PIGF: variants seen among roughly 807,000 people sequenced by gnomAD.
PIGF encodes phosphatidylinositol glycan anchor biosynthesis class F.
Under a neutral mutation model 26.0 loss-of-function variants are expected in PIGF, and 23 were observed. That is an observed-to-expected ratio of 0.88 (90% CI 0.64 to 1.25). PIGF has a LOEUF of 1.25. Among genes scored for constraint, PIGF ranks in the 50% most tolerant of loss-of-function variants. PIGF has a pLI of 0.00. For missense variants in PIGF, 278 were observed against 249.9 expected, an observed-to-expected ratio of 1.11 and a Z score of -0.76; for synonymous variants, 93 against 92.6, an observed-to-expected ratio of 1.00 and a Z score of -0.03.
rs1328511050 is a variant in PIGF at position 46,589,882 on chromosome 2, AAAC to A, written c.546+2590_546+2592del. On this transcript the variant is annotated intron_variant, in intron 5 of 5. Coordinates refer to ENST00000281382, the MANE Select transcript of PIGF (RefSeq NM_002643.4). The surrounding 1 kb of genome is among the most constrained non-coding windows in gnomAD (Gnocchi z 4.7). Reference sequence around the variant, plus strand: ...TTGCTGGAAATAAAAAGTGAAAAAAAAACCTCATTTCTTTAGTTTATTAGTAAA... The same window carrying A: ...TTGCTGGAAATAAAAAGTGAAAAAAACTCATTTCTTTAGTTTATTAGTAAA... Among the ~76,000 whole-genome samples, 1 of 152,092 alleles carries A rather than the reference AAAC, an allele frequency of 6.6e-6. No individual in the cohort carries two copies. The highest frequency in any genetic ancestry group is 2.4e-5 in the African/African-American group (1 of 41,446).
chr2:46,611,771 C>T (rs1670427524), intron 4 of PIGF, among the ~76,000 whole-genome samples: 1 of 151,908 alleles, frequency 6.6e-6, no homozygotes, highest in Non-Finnish European at 1.5e-5. Context: ...TATCTTATCA[C>T]AAAAAAGGCT....
At position 46,581,420 on chromosome 2, in the gene PIGF, C is replaced by A; in HGVS notation, c.*58G>T. 1 of 1,576,498 alleles carries A rather than the reference C, an allele frequency of 6.3e-7. No homozygotes were observed. Among genetic ancestry groups the A allele is most frequent in the Non-Finnish European group, 8.6e-7 (1 of 1,160,730 alleles). On this transcript the variant is annotated 3_prime_UTR_variant, in exon 6 of 6. Transcript: ENST00000281382. Reference sequence around the variant, plus strand: ...ATGGAACTGCTTGGCTTTGACCATACACATTTCTGCCCAGCCCTTACAGAA... The same window carrying A: ...ATGGAACTGCTTGGCTTTGACCATAAACATTTCTGCCCAGCCCTTACAGAA...
Position 46,617,019 on chromosome 2 carries a change from A to T in PIGF, c.-71T>A. On this transcript the variant is annotated 5_prime_UTR_variant, in exon 1 of 6. The change abolishes an upstream ATG in the 5' untranslated region. Coordinates refer to ENST00000281382, the MANE Select transcript of PIGF (RefSeq NM_002643.4). ...AAGCGGGGAACTACTGCCTCCTACC[A>T]TCAGGTACGACGGGCGGCCCAGGCC... 2 of 582,006 alleles carry T rather than the reference A, an allele frequency of 3.4e-6. No individual in the cohort carries two copies. Among genetic ancestry groups the T allele is most frequent in the South Asian group, 2.0e-5 (1 of 50,166 alleles). 36.1% of individuals were successfully genotyped at this position (582,006 alleles called of 1,614,324 possible).
intron 4 of PIGF, among the ~76,000 whole-genome samples, chr2:46,607,509 C>T (rs1670261932): frequency 6.6e-6 from 1 of 152,114 alleles, no homozygotes; most frequent in Admixed American, 6.5e-5. Flanking sequence ...GTATCATAGT[C>T]TATTAAGTGG....
At chr2:46,611,526 C>T (rs1558711284) in intron 4 of PIGF, among the ~76,000 whole-genome samples, 3 of 151,362 alleles carry the variant, frequency 2.0e-5, no homozygotes, top group Non-Finnish European at 2.9e-5. Flanking sequence ...AGAAACCACA[C>T]ACAGCTTAGC....
At chr2:46,597,663 C>T (rs1017167352) in intron 4 of PIGF, among the ~76,000 whole-genome samples, 23 of 152,204 alleles carry the variant, frequency 1.5e-4, no homozygotes, top group African/African-American at 4.1e-4. Flanking sequence ...CTGCCCACCT[C>T]GGCCTCCCAA....
At chr2:46,587,368 T>C (rs1456367767) in intron 5 of PIGF, among the ~76,000 whole-genome samples, 6 of 152,064 alleles carry the variant, frequency 3.9e-5, no homozygotes, top group Non-Finnish European at 7.4e-5. Flanking sequence ...AAGAATTATC[T>C]GTGGCATCTG....
intron 4 of PIGF, among the ~76,000 whole-genome samples, chr2:46,604,443 T>C (rs1460548146): frequency 6.6e-6 from 1 of 151,926 alleles, no homozygotes; most frequent in Non-Finnish European, 1.5e-5. Flanking sequence ...AGCCAAGATT[T>C]GGAAGCAACC....
intron 4 of PIGF, among the ~76,000 whole-genome samples, chr2:46,596,973 T>C (rs955446559): frequency 1.3e-5 from 2 of 152,226 alleles, no homozygotes; most frequent in African/African-American, 4.8e-5. Context: ...ACTGCCTCTT[T>C]TTCCCTGCTC....
In PIGF at chr2:46,588,394, A is replaced by C. The variant is rs1226129500; in HGVS notation, c.546+4081T>G. 4.0e-6 allele frequency: 2 copies of C among 505,928 alleles called. No individual in the cohort carries two copies. 31.3% of individuals were successfully genotyped at this position (505,928 alleles called of 1,614,324 possible). A position where few individuals can be genotyped will look rare whatever the true frequency, so the allele number is the denominator to read the frequency against. On this transcript the variant is annotated intron_variant, in intron 5 of 5. Transcript: ENST00000281382. The surrounding 1 kb of genome is among the most constrained non-coding windows in gnomAD (Gnocchi z 4.1). ...GGAATTTGCATTTTTTGAAGGCTAA[A>C]AATATAGTCATTAAACTATGTCTTT...
rs3213985 is a variant in PIGF, at chr2:46,613,596, T to C, written c.320+98A>G. 85,337 of 791,820 alleles carry C rather than the reference T, an allele frequency of 0.11. 6,949 individuals are homozygous for C. Among genetic ancestry groups the C allele is most frequent in the African/African-American group, 0.35 (19,820 of 56,048 alleles). The allele number at this position is 791,820 out of a possible 1,614,324, so 49.0% of individuals were successfully genotyped here. On this transcript the variant is annotated intron_variant, in intron 3 of 5. Coordinates refer to ENST00000281382, the MANE Select transcript of PIGF (RefSeq NM_002643.4). ...GTGTCCTTACTTGATCTATTAATGA[T>C]GCACATCATGGTTTTTCTCTAGTTG...
rs1005658073 is a variant in PIGF at position 46,589,813 on chromosome 2, G to A, written c.546+2662C>T. Among the ~76,000 whole-genome samples the A allele has an allele frequency of 4.6e-5, 7 of 151,606 alleles. No homozygotes were observed. Among genetic ancestry groups the A allele is most frequent in the Admixed American group, 1.3e-4 (2 of 15,222 alleles). The stretch of plus-strand genomic sequence containing the variant: ...TGGGAGATGCTGTTCTGTGGAGTTA[G>A]AATTATTAAAAAATAACAATAACAA... On this transcript the variant is annotated intron_variant, in intron 5 of 5. Transcript: ENST00000281382. The surrounding 1 kb of genome is among the most constrained non-coding windows in gnomAD (Gnocchi z 4.7).
At chr2:46,585,057 G>A (rs1022669133) in intron 5 of PIGF, among the ~76,000 whole-genome samples, 1 of 151,998 alleles carries the variant, frequency 6.6e-6, no homozygotes, top group Non-Finnish European at 1.5e-5. Context: ...TCTATTCAAC[G>A]TTCTTCATGC....
At chr2:46,596,966 G>C (rs1669908106) in intron 4 of PIGF, among the ~76,000 whole-genome samples, 1 of 152,154 alleles carries the variant, frequency 6.6e-6, no homozygotes, top group Admixed American at 6.5e-5. Context: ...GTTAAGAACT[G>C]CCTCTTTTTC....
In PIGF at chr2:46,592,575, G is replaced by A. The variant is rs752694140; in HGVS notation, c.446C>T (p.Ser149Phe). ...LRVFSRNGVTSIWENSLQITT... is the reference protein window; with the variant it reads ...LRVFSRNGVTFIWENSLQITT... Reference sequence around the variant, plus strand: ...GATCTGGAGACTATTCTCCCATATGGATGTAACTCTGTGAAACACAAATTG... The same window carrying A: ...GATCTGGAGACTATTCTCCCATATGAATGTAACTCTGTGAAACACAAATTG... The change falls in exon 5 of 6, where the codon TCC (serine) becomes TTC (phenylalanine). Residue 149 changes from serine (S) to phenylalanine (F), a missense_variant. By Grantham distance (155) the Ser-to-Phe change is radical. Transcript: ENST00000281382. 7 of 1,573,180 alleles carry A rather than the reference G, an allele frequency of 4.4e-6. No homozygotes were observed. In the East Asian group the frequency reaches 1.3e-4, roughly 30 times the overall value.
At chr2:46,612,658 T>C (rs1461787884) in intron 3 of PIGF, among the ~76,000 whole-genome samples, 2 of 137,198 alleles carry the variant, frequency 1.5e-5, no homozygotes, top group African/African-American at 5.2e-5. Flanking sequence ...TTCTGCTCAA[T>C]AGTCTCTCTG....
In PIGF at chr2:46,588,196, G is replaced by A; in HGVS notation, c.546+4279C>T. The stretch of plus-strand genomic sequence containing the variant: ...TACTGTCATCTGAAATGTCAGACAG[G>A]ATTGAAAATTATGTGAAATCCAAAT... On this transcript the variant is annotated intron_variant, in intron 5 of 5. Coordinates refer to ENST00000281382, the MANE Select transcript of PIGF (RefSeq NM_002643.4). The surrounding 1 kb of genome is among the most constrained non-coding windows in gnomAD (Gnocchi z 4.1). 1 of 1,609,818 alleles carries A rather than the reference G, an allele frequency of 6.2e-7. No homozygotes were observed. Among genetic ancestry groups the A allele is most frequent in the Non-Finnish European group, 8.5e-7 (1 of 1,178,336 alleles).
At chr2:46,609,572 G>C (rs1343563690) in intron 4 of PIGF, among the ~76,000 whole-genome samples, 3 of 152,122 alleles carry the variant, frequency 2.0e-5, no homozygotes, top group African/African-American at 7.2e-5. Flanking sequence ...ATCACTTCTA[G>C]CTTTTGATTT....
intron 4 of PIGF, among the ~76,000 whole-genome samples, chr2:46,611,262 C>T (rs747021339): frequency 2.6e-5 from 4 of 151,840 alleles, no homozygotes; most frequent in East Asian, 1.9e-4. Flanking sequence ...GCGAGGCGGG[C>T]GGATCATGAG....
Sources: allele counts gnomAD v4.1 joint callset (sites outside exome capture counted in the v4.1 genomes callset), GRCh38; gene constraint gnomAD v4.1.1; non-coding constraint Gnocchi (gnomAD v3.1); transcripts MANE v1.5; gene names NCBI Gene and HGNC (gene_info 2026-07-23, HGNC 2026-07-21).